Variants in RABGEF1 observed in about 807,000 individuals in gnomAD.
RABGEF1 encodes rab5 GDP/GTP exchange factor.
In RABGEF1, 26 loss-of-function variants were observed where a neutral mutation model predicts 57.3. The observed-to-expected ratio is 0.45, with a 90% CI of 0.33 to 0.63. The LOEUF (loss-of-function observed/expected upper bound fraction) is 0.63. RABGEF1 is among the 20% of genes least tolerant of loss of function. The pLI is 0.02. For missense variants in RABGEF1, 464 were observed against 607.6 expected (o/e 0.76, Z 2.48); for synonymous variants, 185 against 210.7 (o/e 0.88, Z 1.06).
intron 2 of RABGEF1, among the ~76,000 whole-genome samples, chr7:66,715,310 T>G (rs1795260089): frequency 6.6e-6 from 1 of 152,164 alleles, no homozygotes; most frequent in African/African-American, 2.4e-5. Flanking sequence ...AAAAAAATTT[T>G]TGTAGATACC....
At chr7:66,782,202 G>T (rs527898838) in intron 3 of RABGEF1, among the ~76,000 whole-genome samples, 57 of 152,222 alleles carry the variant, frequency 3.7e-4, no homozygotes, top group African/African-American at 1.3e-3. Context: ...AAATTAGATT[G>T]TACCTGATTT....
chr7:66,721,670 C>G (rs1278514316), intron 2 of RABGEF1, among the ~76,000 whole-genome samples: 2 of 152,146 alleles, frequency 1.3e-5, no homozygotes, highest in East Asian at 3.9e-4. Context: ...TTCTCCACCT[C>G]AAGATCCTTA....
chr7:66,757,081 G>A (rs1252850503), intron 1 of RABGEF1, among the ~76,000 whole-genome samples: 2 of 151,978 alleles, frequency 1.3e-5, no homozygotes, highest in African/African-American at 2.4e-5. Flanking sequence ...AAGTCTTGTG[G>A]GATTTTTATG....
the RABGEF1 span, among the ~76,000 whole-genome samples, chr7:66,661,125 G>A: frequency 1.3e-5 from 2 of 151,920 alleles, no homozygotes; most frequent in Non-Finnish European, 2.9e-5. Context: ...GTGAAACCCC[G>A]TCTCTACTAA....
chr7:66,689,949 G>T (rs1403690433), intron 1 of RABGEF1, among the ~76,000 whole-genome samples: 1 of 152,082 alleles, frequency 6.6e-6, no homozygotes, highest in Non-Finnish European at 1.5e-5. Flanking sequence ...ATTAATGCCA[G>T]TTTTTTGCAA....
chr7:66,746,967 T>A (rs936640089), intron 1 of RABGEF1, among the ~76,000 whole-genome samples: 1 of 151,858 alleles, frequency 6.6e-6, no homozygotes, highest in African/African-American at 2.4e-5. Flanking sequence ...CTAATTTTTT[T>A]ATTTTTAGTA....
At chr7:66,746,427 C>G (rs530869436) in intron 1 of RABGEF1, among the ~76,000 whole-genome samples, 2 of 151,020 alleles carry the variant, frequency 1.3e-5, no homozygotes, top group South Asian at 2.1e-4. Context: ...CTCAGCCTCC[C>G]GAGTAGTTAA....
At chr7:66,754,831 T>C (rs1161160248) in intron 1 of RABGEF1, among the ~76,000 whole-genome samples, 1 of 152,166 alleles carries the variant, frequency 6.6e-6, no homozygotes, top group Non-Finnish European at 1.5e-5. Flanking sequence ...AGCAAGTGAT[T>C]ATGGATGAAA....
At chr7:66,770,208 G>C (rs957427102) in intron 1 of RABGEF1, 25 of 152,208 alleles carry the variant, frequency 1.6e-4, no homozygotes, top group Non-Finnish European at 3.5e-4. Flanking sequence ...CTTAGTAAAT[G>C]TTTGAGTTAA....
At chr7:66,770,574 C>G (rs944274399) in intron 1 of RABGEF1, 3 of 152,320 alleles carry the variant, frequency 2.0e-5, no homozygotes, top group African/African-American at 7.2e-5. Flanking sequence ...GCCTCCAACT[C>G]CTGGGCTCAG....
chr7:66,789,682 CAAAAAAAAAA>C (rs35661980), intron 4 of RABGEF1, among the ~76,000 whole-genome samples: 4 of 57,466 alleles, frequency 7.0e-5, no homozygotes, highest in Non-Finnish European at 8.8e-5. Context: ...GACTCTATCT[CAAAAAAAAAA>C]AAAAAAAAAA....
intron 2 of RABGEF1, among the ~76,000 whole-genome samples, chr7:66,730,241 G>A (rs1797146059): frequency 6.6e-6 from 1 of 152,198 alleles, no homozygotes; most frequent in African/African-American, 2.4e-5. Flanking sequence ...GACCACCTGG[G>A]AGCATTTCCA....
intron 2 of RABGEF1, among the ~76,000 whole-genome samples, chr7:66,713,277 G>T (rs533974928): frequency 6.6e-6 from 1 of 152,136 alleles, no homozygotes; most frequent in East Asian, 1.9e-4. Flanking sequence ...GAGTAGGTGG[G>T]ACTACAGGTG....
At chr7:66,685,194 C>G (rs73135909) in intron 1 of RABGEF1, among the ~76,000 whole-genome samples, 14,576 of 117,788 alleles carry the variant, frequency 0.12, 829 homozygotes, top group Middle Eastern at 0.22. Context: ...CTTGCTCTGT[C>G]GCTGGGCTAG....
chr7:66,738,872 C>T (rs1216602152), upstream of RABGEF1, among the ~76,000 whole-genome samples: 1 of 152,136 alleles, frequency 6.6e-6, no homozygotes, highest in Non-Finnish European at 1.5e-5. Flanking sequence ...ATAGCAATTA[C>T]CACCATCCAA....
In RABGEF1 at chr7:66,740,809, CTG is replaced by C. The variant is rs1222178678; in HGVS notation, c.-18+18_-18+19del. ...GCGGGCGAGGTACGGAGCGGACGGACTGGGGCTGAGAGCTGCTCGGCTCTCAG... is the reference window on the plus strand; with the variant it reads ...GCGGGCGAGGTACGGAGCGGACGGACGGGCTGAGAGCTGCTCGGCTCTCAG... On this transcript the variant is annotated intron_variant, in intron 1 of 8. Transcript: ENST00000284957. 6.6e-6 allele frequency: 1 copy of C among 152,348 alleles called. No individual in the cohort carries two copies. Among genetic ancestry groups the C allele is most frequent in the African/African-American group, 2.4e-5 (1 of 41,420 alleles). 9.4% of individuals were successfully genotyped at this position (152,348 alleles called of 1,614,324 possible). A position where few individuals can be genotyped will look rare whatever the true frequency, so the allele number is the denominator to read the frequency against.
At chr7:66,776,837 G>A (rs2129126917) in intron 3 of RABGEF1, among the ~76,000 whole-genome samples, 1 of 152,284 alleles carries the variant, frequency 6.6e-6, no homozygotes, top group Middle Eastern at 3.4e-3. Flanking sequence ...AGAATGTATT[G>A]GGCTCATGAT....
chr7:66,690,900 A>C (rs1056802661), intron 1 of RABGEF1, among the ~76,000 whole-genome samples: 2 of 150,580 alleles, frequency 1.3e-5, no homozygotes, highest in Admixed American at 6.7e-5. Context: ...CCTGGCCAAC[A>C]TGGTGAAACT....
the RABGEF1 span, among the ~76,000 whole-genome samples, chr7:66,655,133 T>TG: frequency 6.6e-6 from 1 of 152,164 alleles, no homozygotes; most frequent in Admixed American, 6.5e-5. Flanking sequence ...CCCGTCGCCC[T>TG]GGGGGGACAG....
Sources: allele counts gnomAD v4.1 joint callset (sites outside exome capture counted in the v4.1 genomes callset), GRCh38; gene constraint gnomAD v4.1.1; transcripts MANE v1.5; gene names NCBI Gene and HGNC (gene_info 2026-07-23, HGNC 2026-07-21).